Variants in BRD3 observed in about 807,000 individuals in gnomAD.
The protein encoded by BRD3 is bromodomain-containing protein 3.
Under a neutral mutation model 66.8 loss-of-function variants are expected in BRD3, and 17 were observed. The observed-to-expected ratio is 0.25, with a 90% CI of 0.17 to 0.38. The LOEUF (loss-of-function observed/expected upper bound fraction) is 0.38. BRD3 is among the 10% of genes least tolerant of loss of function. BRD3 has a pLI of 1.00. For missense variants in BRD3, 713 were observed against 956.1 expected (o/e 0.75, Z 3.35); for synonymous variants, 421 against 393.2 (o/e 1.07, Z -0.84).
At chr9:134,067,049 G>A (rs543152185) in intron 1 of BRD3, among the ~76,000 whole-genome samples, 13 of 152,272 alleles carry the variant, frequency 8.5e-5, no homozygotes, top group Admixed American at 2.0e-4. Flanking sequence ...TATTCACAGA[G>A]AGCCCACCAG....
chr9:134,034,645 C>A, intron 11 of BRD3, 56 bp downstream of exon 11: 1 of 1,594,642 alleles, frequency 6.3e-7, no homozygotes, highest in South Asian at 1.1e-5. Flanking sequence ...CAAACCCCTA[C>A]TGCTGACACC....
chr9:134,034,489 G>C, intron 11 of BRD3: 1 of 649,944 alleles, frequency 1.5e-6, no homozygotes, highest in Non-Finnish European at 2.6e-6. Context: ...ACACACACTT[G>C]ACATGTGCAC....
Position 134,032,739 on chromosome 9 carries a change from G to A in BRD3, c.*851C>T, listed in dbSNP as rs1394955557. On this transcript the variant is annotated 3_prime_UTR_variant, in exon 12 of 12. Coordinates refer to ENST00000303407, the MANE Select transcript of BRD3 (RefSeq NM_007371.4). ...CATAAGCTCGGGAAGTGGTTCCCAA[G>A]GGTGGCGCGGCAGCAGCAGCAGGGG... The A allele has an allele frequency of 4.2e-5, 10 of 240,726 alleles. No homozygotes were observed. The Admixed American group carries it at 5.6e-4, about 13-fold the overall frequency. The allele number at this position is 240,726 out of a possible 1,614,324, so 14.9% of individuals were successfully genotyped here. A position where few individuals can be genotyped will look rare whatever the true frequency, so the allele number is the denominator to read the frequency against.
rs200725745 is a variant in BRD3 at position 134,053,451 on chromosome 9, G to C, written c.27C>G (p.Pro9=). 3 of 1,606,196 alleles carry C rather than the reference G, an allele frequency of 1.9e-6. No individual in the cohort carries two copies. The highest frequency in any genetic ancestry group is 2.5e-6 in the Non-Finnish European group (3 of 1,178,086). Residue 9 remains proline (P), a synonymous_variant, in exon 2 of 12, where the codon CCC becomes CCG. Coordinates refer to ENST00000303407, the MANE Select transcript of BRD3 (RefSeq NM_007371.4). ...GGCCCGGGGTCGCCGGGATCCCCGC[G>C]GGGGCGACTGTCGTGGCGGTGGACA... MSTATTVA[P]AGIPATPGPV...
intron 2 of BRD3, among the ~76,000 whole-genome samples, chr9:134,052,717 G>A (rs531283819): frequency 5.3e-5 from 8 of 152,286 alleles, no homozygotes; most frequent in Admixed American, 1.3e-4. Flanking sequence ...CTGGAGATGG[G>A]GCCAAACCTT....
intron 8 of BRD3, among the ~76,000 whole-genome samples, chr9:134,041,332 C>T (rs763150412): frequency 2.6e-5 from 4 of 152,150 alleles, no homozygotes; most frequent in Admixed American, 2.0e-4. Flanking sequence ...AGCCTGGCAG[C>T]GGGACTGGGG....
rs1489829782 is a variant in BRD3 at position 134,045,218 on chromosome 9, G to A, written c.1215+75C>T. ...TCCTCGGCTGGACATTCACCTGGGC[G>A]CTTACCCCACACTGAGGCCAGGATG... On this transcript the variant is annotated intron_variant, in intron 7 of 11. Coordinates refer to ENST00000303407, the MANE Select transcript of BRD3 (RefSeq NM_007371.4). This position sits in a 1 kb window ranked among gnomAD's most constrained non-coding sequence, Gnocchi z 4.8. 12 of 1,577,388 alleles carry A rather than the reference G, an allele frequency of 7.6e-6. No individual in the cohort carries two copies. Among genetic ancestry groups the A allele is most frequent in the African/African-American group, 1.3e-5 (1 of 74,186 alleles).
Position 134,038,489 on chromosome 9 carries a change from A to G in BRD3, c.1643+1545T>C, listed in dbSNP as rs559271548. ...TTTTTGTAAAGAGATTGAGACCACT[A>G]TGGGCAACACAGTAGGATTCTAACT... On this transcript the variant is annotated intron_variant, in intron 9 of 11. Transcript: ENST00000303407. 8.2e-4 allele frequency among the ~76,000 whole-genome samples: 125 copies of G among 152,198 alleles called. 3 individuals carry two copies. The Middle Eastern group carries it at 0.01, about 12-fold the overall frequency.
At chr9:134,038,953 G>A (rs1829984233) in intron 9 of BRD3, among the ~76,000 whole-genome samples, 1 of 152,104 alleles carries the variant, frequency 6.6e-6, no homozygotes, top group Non-Finnish European at 1.5e-5. Context: ...AGGAGAGAGG[G>A]AGGGAGGGAG....
Position 134,040,057 on chromosome 9 carries a change from G to T in BRD3, c.1620C>A (p.Ala540=). The T allele has an allele frequency of 6.3e-7, 1 of 1,593,872 alleles. No individual in the cohort carries two copies. Among genetic ancestry groups the T allele is most frequent in the African/African-American group, 1.3e-5 (1 of 74,766 alleles). Residue 540 remains alanine, a synonymous_variant, in exon 9 of 12, where the codon GCC becomes GCA. Transcript: ENST00000303407. ...ACCTGCCGGCCGTGGTCGTGCTGTTGGCCTTCTTGGCAGGAGCCTTCTTCT... is the reference window on the plus strand; with the variant it reads ...ACCTGCCGGCCGTGGTCGTGCTGTTTGCCTTCTTGGCAGGAGCCTTCTTCT... ...AQQKKAPAKK[A]NSTTTAGRQL...
intron 1 of BRD3, chr9:134,057,955 G>A (rs1830459274): frequency 6.6e-6 from 1 of 152,284 alleles, no homozygotes; most frequent in African/African-American, 2.4e-5. Context: ...ATGCAGAAAG[G>A]CGGTAAGGGG....
In BRD3 at chr9:134,051,848, T is replaced by TAC. The variant is rs1491399708; in HGVS notation, c.352-140_352-139insGT. 1.7e-3 allele frequency: 690 copies of TAC among 399,090 alleles called. 11 individuals are homozygous for TAC. The African/African-American group carries it at 0.024, about 14-fold the overall frequency. 24.7% of individuals were successfully genotyped at this position (399,090 alleles called of 1,614,324 possible). ...CGCAGGAGAGAACAAAATGAATATA[T>TAC]GTGTGTGTGTGTGTGTGTGTGTGTG... On this transcript the variant is annotated intron_variant, in intron 3 of 11. Transcript: ENST00000303407.
chr9:134,049,056 C>A (rs1004728902), intron 5 of BRD3, among the ~76,000 whole-genome samples: 19 of 152,172 alleles, frequency 1.2e-4, no homozygotes, highest in Admixed American at 9.8e-4. Flanking sequence ...GTGGGCAAGT[C>A]TGGACTCCAT....
At chr9:134,040,979 T>A (rs1479561505) in intron 8 of BRD3, among the ~76,000 whole-genome samples, 5 of 152,066 alleles carry the variant, frequency 3.3e-5, no homozygotes, top group Non-Finnish European at 5.9e-5. Flanking sequence ...CTCTGGGTGG[T>A]CTGTGCAAGG....
chr9:134,068,209 C>T (rs1830714349), upstream of BRD3: 1 of 145,322 alleles, frequency 6.9e-6, no homozygotes, highest in South Asian at 2.1e-4. Flanking sequence ...CCGACCCGGC[C>T]GAGAGCGGGC....
At chr9:134,050,668 AG>A in intron 4 of BRD3, 80 bp from the exon 5 acceptor site, 2 of 1,189,288 alleles carry the variant, frequency 1.7e-6, no homozygotes, top group Non-Finnish European at 2.4e-6. Context: ...CCCTCCAGCC[AG>A]AACACGGGTA....
At chr9:134,065,268 C>T (rs947499250) in intron 1 of BRD3, among the ~76,000 whole-genome samples, 1 of 151,982 alleles carries the variant, frequency 6.6e-6, no homozygotes, top group African/African-American at 2.4e-5. Context: ...ACTAAAAATA[C>T]AAAAAATTAG....
chr9:134,042,808 C>G (rs1367725721), intron 7 of BRD3, among the ~76,000 whole-genome samples: 1 of 150,760 alleles, frequency 6.6e-6, no homozygotes, highest in Non-Finnish European at 1.5e-5. Context: ...CACACACACA[C>G]ACACACACAC....
At chr9:134,038,284 A>AG (rs138604134) in intron 9 of BRD3, among the ~76,000 whole-genome samples, 15,183 of 151,962 alleles carry the variant, frequency 0.1, 913 homozygotes, top group African/African-American at 0.17. Flanking sequence ...CCTCCTGAGT[A>AG]GCTGGGATTA....
Sources: gnomAD v4.1 joint callset for allele counts (sites outside exome capture counted in the v4.1 genomes callset) on GRCh38, gnomAD v4.1.1 for gene constraint, Gnocchi (gnomAD v3.1) non-coding constraint, MANE v1.5 for transcripts, NCBI Gene and HGNC (gene_info 2026-07-23, HGNC 2026-07-21) for gene names.